RANBP2: variants seen among roughly 807,000 people sequenced by gnomAD.
RANBP2 encodes E3 SUMO-protein ligase RanBP2.
A neutral mutation model predicts 303.6 loss-of-function variants in RANBP2; 57 were observed. That is an observed-to-expected ratio of 0.19 (90% CI 0.15 to 0.23). The LOEUF is 0.23. RANBP2 is among the 10% of genes least tolerant of loss of function. RANBP2 has a pLI of 1.00. For missense variants in RANBP2, 3,138 were observed against 3,780.8 expected, an observed-to-expected ratio of 0.83 and a Z score of 4.46; for synonymous variants, 1,167 against 1,301.5, an observed-to-expected ratio of 0.90 and a Z score of 2.23.
the RANBP2 span, chr2:109,546,140 A>G: frequency 1.2e-6 from 2 of 1,610,970 alleles, no homozygotes; most frequent in South Asian, 2.2e-5. Context: ...CTTTTTAGAG[A>G]AAGCAATTAT....
the RANBP2 span, among the ~76,000 whole-genome samples, chr2:109,639,427 T>C: frequency 6.6e-6 from 1 of 152,062 alleles, no homozygotes; most frequent in Non-Finnish European, 1.5e-5. Flanking sequence ...TAGACCATCC[T>C]GGCCAACATG....
the RANBP2 span, among the ~76,000 whole-genome samples, chr2:109,219,842 ACT>A: frequency 6.6e-6 from 1 of 152,216 alleles, no homozygotes. Flanking sequence ...TTGAGATGAC[ACT>A]ACTACTCAAA....
At chr2:109,352,701 C>T in the RANBP2 span, among the ~76,000 whole-genome samples, 1 of 152,270 alleles carries the variant, frequency 6.6e-6, no homozygotes, top group South Asian at 2.1e-4. Flanking sequence ...CTCCTTGCTT[C>T]GTGGATTTCT....
chr2:109,441,183 A>C, the RANBP2 span, among the ~76,000 whole-genome samples: 1 of 152,046 alleles, frequency 6.6e-6, no homozygotes, highest in Non-Finnish European at 1.5e-5. Flanking sequence ...ACAATGTCTG[A>C]TGTCCAATAA....
chr2:109,475,700 C>T, the RANBP2 span, among the ~76,000 whole-genome samples: 6 of 152,222 alleles, frequency 3.9e-5, no homozygotes, highest in African/African-American at 9.6e-5. Context: ...GCCAGTAGCA[C>T]GCTGCTGCAC....
At chr2:109,605,903 G>T in the RANBP2 span, among the ~76,000 whole-genome samples, 18 of 152,322 alleles carry the variant, frequency 1.2e-4, no homozygotes, top group Admixed American at 5.9e-4. Flanking sequence ...CAGTATAAAT[G>T]TATGTTAAGA....
At chr2:109,456,274 G>A in the RANBP2 span, among the ~76,000 whole-genome samples, 1 of 152,208 alleles carries the variant, frequency 6.6e-6, no homozygotes, top group Non-Finnish European at 1.5e-5. Flanking sequence ...TGGGAGCACC[G>A]GCGACTCCAG....
At chr2:109,374,597 TG>T in the RANBP2 span, among the ~76,000 whole-genome samples, 1 of 152,146 alleles carries the variant, frequency 6.6e-6, no homozygotes, top group African/African-American at 2.4e-5. Flanking sequence ...CTTGGGCTAC[TG>T]CACAGGCAGC....
At chr2:109,133,797 T>C in the RANBP2 span, among the ~76,000 whole-genome samples, 1 of 151,940 alleles carries the variant, frequency 6.6e-6, no homozygotes, top group Non-Finnish European at 1.5e-5. Context: ...ATATTTAGCA[T>C]TATGAGTACA....
chr2:109,760,243 C>T, the RANBP2 span: 2 of 148,004 alleles, frequency 1.4e-5, no homozygotes, highest in African/African-American at 5.0e-5. Context: ...TTCCCAGGAA[C>T]ACTCATTCCC....
At chr2:109,513,085 G>T in the RANBP2 span, among the ~76,000 whole-genome samples, 1 of 152,174 alleles carries the variant, frequency 6.6e-6, no homozygotes, top group Non-Finnish European at 1.5e-5. Context: ...CCTTCCTGGG[G>T]CAGTTCTGAG....
chr2:109,404,341 G>T, the RANBP2 span, among the ~76,000 whole-genome samples: 32 of 152,226 alleles, frequency 2.1e-4, no homozygotes, highest in Admixed American at 2.1e-3. Flanking sequence ...TGTGTAAGGT[G>T]AGCTCGAGGC....
At chr2:109,314,603 A>C in the RANBP2 span, among the ~76,000 whole-genome samples, 4 of 152,304 alleles carry the variant, frequency 2.6e-5, no homozygotes, top group South Asian at 8.3e-4. Context: ...CTTAATTTGC[A>C]TGTGTCTGTC....
chr2:109,682,954 C>T, the RANBP2 span, among the ~76,000 whole-genome samples: 50 of 152,164 alleles, frequency 3.3e-4, no homozygotes, highest in African/African-American at 6.0e-4. Context: ...TTACCACCCC[C>T]GCTCAATCAT....
At chr2:109,605,978 A>C in the RANBP2 span, among the ~76,000 whole-genome samples, 1 of 152,330 alleles carries the variant, frequency 6.6e-6, no homozygotes, top group Non-Finnish European at 1.5e-5. Context: ...AGAACTGCCA[A>C]AGCCTGGAAT....
the RANBP2 span, among the ~76,000 whole-genome samples, chr2:109,193,610 G>C: frequency 3.3e-5 from 5 of 152,214 alleles, no homozygotes; most frequent in African/African-American, 9.6e-5. Context: ...ATAGTATTCT[G>C]TTGTATGGAT....
chr2:109,529,567 T>C, the RANBP2 span, among the ~76,000 whole-genome samples: 1 of 152,156 alleles, frequency 6.6e-6, no homozygotes, highest in South Asian at 2.1e-4. Flanking sequence ...GGACACGTGG[T>C]AACAGCTGCA....
Position 108,785,491 on chromosome 2 carries a change from C to G in RANBP2, c.*1590C>G, listed in dbSNP as rs750494381. 2 of 152,174 alleles carry G rather than the reference C, an allele frequency of 1.3e-5. No individual in the cohort carries two copies. The highest frequency in any genetic ancestry group is 2.9e-5 in the Non-Finnish European group (2 of 68,024). 9.4% of individuals were successfully genotyped at this position (152,174 alleles called of 1,614,324 possible). A position where few individuals can be genotyped will look rare whatever the true frequency, so the allele number is the denominator to read the frequency against. ...GTTAATGCAAGTGCTTTTTAAGAGA[C>G]TTTTTACAGATTTGTATGCTTTCCT... On this transcript the variant is annotated 3_prime_UTR_variant, in exon 29 of 29. Transcript: ENST00000283195.
intron 2 of RANBP2, among the ~76,000 whole-genome samples, 178 bp downstream of exon 2, chr2:108,729,377 G>A (rs1416908955): frequency 1.3e-5 from 2 of 152,168 alleles, no homozygotes; most frequent in South Asian, 4.1e-4. Context: ...GATTGAAACC[G>A]TAATTAGTGT....
Sources: allele counts gnomAD v4.1 joint callset (sites outside exome capture counted in the v4.1 genomes callset), GRCh38; gene constraint gnomAD v4.1.1; transcripts MANE v1.5; gene names NCBI Gene and HGNC (gene_info 2026-07-23, HGNC 2026-07-21).